KYNU: variants seen among roughly 807,000 people sequenced by gnomAD.
KYNU encodes the protein L-kynurenine hydrolase.
KYNU carries 54 observed loss-of-function variants against 59.2 expected under a neutral mutation model. The observed-to-expected ratio is 0.91, with a 90% CI of 0.73 to 1.14. The LOEUF is 1.14. KYNU is among the 50% of genes most tolerant of loss of function. The pLI, the probability that KYNU is intolerant of heterozygous loss-of-function variation, is 0.00. For missense variants in KYNU, 567 were observed against 554.4 expected (o/e 1.02, Z -0.23); for synonymous variants, 177 against 192.0 (o/e 0.92, Z 0.65).
chr2:142,884,688 C>CTTTTTTTTTTTT (rs70997529), intron 1 of KYNU, among the ~76,000 whole-genome samples: 123 of 77,044 alleles, frequency 1.6e-3, no homozygotes, highest in East Asian at 1.9e-3. Context: ...TTCTCTTTTC[C>CTTTTTTTTTTTT]TTTTTTTTTT....
chr2:143,031,680 G>C (rs1416158531), intron 11 of KYNU, among the ~76,000 whole-genome samples: 1 of 152,100 alleles, frequency 6.6e-6, no homozygotes. Context: ...AGCCATGATT[G>C]AGCCACTGCA....
chr2:142,887,887 A>G (rs563514674), intron 2 of KYNU, among the ~76,000 whole-genome samples: 9 of 152,368 alleles, frequency 5.9e-5, no homozygotes, highest in Non-Finnish European at 8.8e-5. Flanking sequence ...AATTGTTAAC[A>G]GAATAAATTT....
intron 8 of KYNU, among the ~76,000 whole-genome samples, chr2:142,981,095 G>A (rs1407009180): frequency 1.3e-5 from 2 of 151,960 alleles, no homozygotes; most frequent in Non-Finnish European, 2.9e-5. Flanking sequence ...CAACCAATGG[G>A]GAAATAATTA....
intron 2 of KYNU, among the ~76,000 whole-genome samples, chr2:142,893,646 A>T (rs1030644316): frequency 6.6e-6 from 1 of 152,102 alleles, no homozygotes; most frequent in African/African-American, 2.4e-5. Flanking sequence ...ATGATTGTGC[A>T]TTGAGAAGAT....
intron 11 of KYNU, among the ~76,000 whole-genome samples, chr2:143,029,899 A>G (rs896720721): frequency 3.9e-5 from 6 of 152,204 alleles, no homozygotes; most frequent in Non-Finnish European, 8.8e-5. Context: ...GAGATAAAAG[A>G]AAATGAAGTC....
intron 10 of KYNU, among the ~76,000 whole-genome samples, chr2:143,013,731 G>T (rs576183649): frequency 6.6e-6 from 1 of 152,218 alleles, no homozygotes; most frequent in Admixed American, 6.5e-5. Context: ...AAGTTCTGTT[G>T]GTTCAGCATT....
chr2:142,887,168 T>TCAACAACAACAA (rs78289913), intron 2 of KYNU, among the ~76,000 whole-genome samples: 16 of 150,374 alleles, frequency 1.1e-4, no homozygotes, highest in African/African-American at 3.2e-4. Context: ...AGGCTCCATC[T>TCAACAACAACAA]CAACAACAAC....
chr2:143,022,813 T>A lies in KYNU; in HGVS notation c.903-6814T>A, dbSNP rs542744154. Reference sequence around the variant, plus strand: ...CAATGTCTCTTTTATGATGTGCTTATTTTTCCCTATTTTGTGAATATCCTT... The same window carrying A: ...CAATGTCTCTTTTATGATGTGCTTAATTTTCCCTATTTTGTGAATATCCTT... On this transcript the variant is annotated intron_variant, in intron 10 of 13. Coordinates refer to ENST00000264170, the MANE Select transcript of KYNU (RefSeq NM_003937.3). 8.5e-5 allele frequency among the ~76,000 whole-genome samples: 13 copies of A among 152,100 alleles called. No individual in the cohort carries two copies. In the South Asian group the frequency reaches 2.7e-3, roughly 32 times the overall value.
intron 10 of KYNU, among the ~76,000 whole-genome samples, chr2:142,990,822 TTTGA>T (rs1348408191): frequency 6.6e-6 from 1 of 151,892 alleles, no homozygotes; most frequent in Non-Finnish European, 1.5e-5. Flanking sequence ...GCTAGAGGTA[TTTGA>T]TTGAAAGTTT....
At chr2:142,910,507 C>A (rs1296652147) in intron 2 of KYNU, among the ~76,000 whole-genome samples, 6 of 152,124 alleles carry the variant, frequency 3.9e-5, no homozygotes, top group Non-Finnish European at 8.8e-5. Flanking sequence ...TGAATATCTT[C>A]TCCCATTCTG....
At position 142,935,469 on chromosome 2, in the gene KYNU, G is replaced by A. The variant is rs867272270; in HGVS notation, c.373+7728G>A. On this transcript the variant is annotated intron_variant, in intron 4 of 13. Coordinates refer to ENST00000264170, the MANE Select transcript of KYNU (RefSeq NM_003937.3). ...CTGGGCAGGAGTTTGGTGATGAATT[G>A]TATCAGCCTGCGCCTGAGCTAGGGT... 2.4e-4 allele frequency among the ~76,000 whole-genome samples: 36 copies of A among 152,280 alleles called. 1 individual carries two copies. Among genetic ancestry groups the A allele is most frequent in the Middle Eastern group, 3.4e-3 (1 of 294 alleles).
At chr2:142,977,131 T>A (rs1344736102) in intron 8 of KYNU, among the ~76,000 whole-genome samples, 1 of 152,004 alleles carries the variant, frequency 6.6e-6, no homozygotes, top group Non-Finnish European at 1.5e-5. Flanking sequence ...AGTATGTCCA[T>A]CCCCTCTTCC....
At chr2:143,041,206 A>T (rs891885718) in intron 13 of KYNU, among the ~76,000 whole-genome samples, 1 of 152,024 alleles carries the variant, frequency 6.6e-6, no homozygotes, top group African/African-American at 2.4e-5. Context: ...CTTGAAGAGA[A>T]CTAATAAATG....
chr2:142,902,869 G>A (rs1682153642), intron 2 of KYNU, among the ~76,000 whole-genome samples: 1 of 152,206 alleles, frequency 6.6e-6, no homozygotes, highest in Non-Finnish European at 1.5e-5. Flanking sequence ...AAACAGTCCA[G>A]GTGAGTTGAG....
intron 10 of KYNU, among the ~76,000 whole-genome samples, chr2:143,015,918 TCA>T (rs969956455): frequency 2.6e-5 from 4 of 152,204 alleles, no homozygotes; most frequent in African/African-American, 4.8e-5. Flanking sequence ...TGGCTCAAGT[TCA>T]GTTTGGAGTA....
At chr2:142,975,449 T>C (rs1246414683) in intron 8 of KYNU, among the ~76,000 whole-genome samples, 1 of 152,182 alleles carries the variant, frequency 6.6e-6, no homozygotes, top group Non-Finnish European at 1.5e-5. Context: ...ACCTCCTAGG[T>C]GCCAAGAGGG....
At chr2:143,033,342 C>T in intron 12 of KYNU, 21 bp downstream of exon 12, 3 of 1,538,872 alleles carry the variant, frequency 1.9e-6, no homozygotes, top group South Asian at 2.2e-5. Flanking sequence ...TGTGTTTCAA[C>T]CTTCCCACAT....
intron 10 of KYNU, among the ~76,000 whole-genome samples, chr2:142,993,273 C>T (rs1685454058): frequency 6.6e-6 from 1 of 151,896 alleles, no homozygotes; most frequent in South Asian, 2.1e-4. Context: ...TTTTATTCTC[C>T]TCATTAGAAT....
At chr2:142,958,079 T>G (rs1240306085) in intron 7 of KYNU, 1 of 248,776 alleles carries the variant, frequency 4.0e-6, no homozygotes, top group African/African-American at 2.3e-5. Flanking sequence ...ACCAGAATTA[T>G]TTGTTAAAAT....
Sources: allele counts gnomAD v4.1 joint callset (sites outside exome capture counted in the v4.1 genomes callset), GRCh38; gene constraint gnomAD v4.1.1; transcripts MANE v1.5; gene names NCBI Gene and HGNC (gene_info 2026-07-23, HGNC 2026-07-21).